Variants in PFKP observed in about 807,000 individuals in gnomAD.
The protein encoded by PFKP is ATP-dependent 6-phosphofructokinase, platelet type.
PFKP carries 101 observed loss-of-function variants against 94.3 expected under a neutral mutation model. The ratio of observed to expected loss-of-function variants is 1.07; its 90% CI spans 0.91 to 1.26. The LOEUF (loss-of-function observed/expected upper bound fraction) is 1.26, where lower values mean the gene tolerates loss of function less well. PFKP is among the 50% of genes most tolerant of loss of function. PFKP has a pLI of 0.00. For missense variants in PFKP, 1,145 were observed against 1,103.3 expected (o/e 1.04, Z -0.53); for synonymous variants, 573 against 432.6 (o/e 1.32, Z -4.03).
rs191903808 is a variant in PFKP, at chr10:3,098,311, C to T, written c.187-964C>T. 1.3e-3 allele frequency among the ~76,000 whole-genome samples: 197 copies of T among 152,216 alleles called. 2 individuals are homozygous for T. Among genetic ancestry groups the T allele is most frequent in the African/African-American group, 4.6e-3 (190 of 41,478 alleles). On this transcript the variant is annotated intron_variant, in intron 2 of 21. Coordinates refer to ENST00000381125, the MANE Select transcript of PFKP (RefSeq NM_002627.5). ...AGTGAGTTATGTAGATGAAGTTACC[C>T]GTGGGCATTGCTGCATTTCCTGATC...
intron 2 of PFKP, among the ~76,000 whole-genome samples, chr10:3,092,888 C>T (rs1054509988): frequency 6.6e-6 from 1 of 152,090 alleles, no homozygotes; most frequent in African/African-American, 2.4e-5. Flanking sequence ...TGGGGGACCT[C>T]TCCTAATCTG....
chr10:3,091,211 C>CT (rs1479095061), intron 2 of PFKP, among the ~76,000 whole-genome samples: 1 of 152,108 alleles, frequency 6.6e-6, no homozygotes, highest in Non-Finnish European at 1.5e-5. Context: ...TTGCTTCTTT[C>CT]TTTTTTCTCT....
chr10:3,128,991 G>GT (rs1240370947), intron 16 of PFKP: 1 of 152,252 alleles, frequency 6.6e-6, no homozygotes, highest in Non-Finnish European at 1.5e-5. Context: ...TGAGCAAAGG[G>GT]TTTTGAATAA....
chr10:3,131,150 ATC>A (rs1280263970), intron 17 of PFKP, among the ~76,000 whole-genome samples: 1 of 152,070 alleles, frequency 6.6e-6, no homozygotes, highest in South Asian at 2.1e-4. Flanking sequence ...AAAAATATGT[ATC>A]TCTTACTGTG....
chr10:3,110,349 C>A (rs1312013687), intron 10 of PFKP, among the ~76,000 whole-genome samples: 3 of 150,822 alleles, frequency 2.0e-5, no homozygotes, highest in Admixed American at 6.6e-5. Flanking sequence ...CAGGTGCCCA[C>A]CACCACGCCT....
In PFKP at chr10:3,124,964, C is replaced by T. The variant is rs77395603; in HGVS notation, c.1684-4855C>T. 880 of 677,342 alleles carry T rather than the reference C, an allele frequency of 1.3e-3. 11 individuals carry two copies. The African/African-American group carries it at 0.017, about 13-fold the overall frequency. The allele number at this position is 677,342 out of a possible 1,614,324, so 42.0% of individuals were successfully genotyped here. On this transcript the variant is annotated intron_variant, in intron 16 of 21. Transcript: ENST00000381125. ...ACGGCCTCCAGAGCCTCCCTCGGCCCCTTGACCCGCATGAACCGGCTTCCC... is the reference window on the plus strand; with the variant it reads ...ACGGCCTCCAGAGCCTCCCTCGGCCTCTTGACCCGCATGAACCGGCTTCCC...
chr10:3,121,120 C>T (rs974308239), intron 16 of PFKP, among the ~76,000 whole-genome samples: 21 of 152,210 alleles, frequency 1.4e-4, no homozygotes, highest in African/African-American at 5.1e-4. Context: ...GCACTCGTTT[C>T]TTGCTTTTCT....
chr10:3,132,308 C>T (rs1838684539), intron 17 of PFKP, 72 bp from the exon 18 acceptor site: 11 of 1,072,378 alleles, frequency 1.0e-5, no homozygotes, highest in Admixed American at 7.7e-5. Flanking sequence ...CACTTCCCAG[C>T]CTGCAGTGCC....
At chr10:3,115,315 AGT>A (rs560313776) in intron 13 of PFKP, among the ~76,000 whole-genome samples, 18 of 99,904 alleles carry the variant, frequency 1.8e-4, no homozygotes, top group Non-Finnish European at 2.4e-4. Context: ...CTGGGGTGAA[AGT>A]GTGTGTCCCA....
intron 1 of PFKP, among the ~76,000 whole-genome samples, chr10:3,067,979 G>A (rs997866912): frequency 5.9e-5 from 9 of 152,236 alleles, no homozygotes; most frequent in African/African-American, 2.2e-4. Flanking sequence ...TGGGGCGGGG[G>A]AGGAAGGGAC....
intron 16 of PFKP, among the ~76,000 whole-genome samples, chr10:3,126,290 C>G (rs1248731862): frequency 1.3e-5 from 2 of 152,246 alleles, no homozygotes; most frequent in Admixed American, 6.5e-5. Flanking sequence ...CTGGCCATCT[C>G]TCTCCTAGGC....
rs1370273539 is a variant in PFKP at position 3,099,178 on chromosome 10, A to C, written c.187-97A>C. On this transcript the variant is annotated intron_variant, in intron 2 of 21. Coordinates refer to ENST00000381125, the MANE Select transcript of PFKP (RefSeq NM_002627.5). ...GACCAGTGGATGCTGAGGAACTGAC[A>C]TTCACTGTCATTTTTCCCGTTTTAT... 6.3e-6 allele frequency: 6 copies of C among 947,546 alleles called. No homozygotes were observed. In the African/African-American group the frequency reaches 6.4e-5, roughly 10 times the overall value. The allele number at this position is 947,546 out of a possible 1,614,324, so 58.7% of individuals were successfully genotyped here.
chr10:3,069,317 G>C (rs909218229), intron 1 of PFKP: 120 of 1,564,012 alleles, frequency 7.7e-5, no homozygotes, highest in Middle Eastern at 5.0e-4. Context: ...GCAGAGGATG[G>C]GATTGAAGAA....
chr10:3,128,981 T>A (rs1056142364), intron 16 of PFKP: 1 of 152,208 alleles, frequency 6.6e-6, no homozygotes, highest in East Asian at 1.9e-4. Flanking sequence ...GTACTTGAAG[T>A]GAGCAAAGGG....
intron 16 of PFKP, chr10:3,124,988 C>T: frequency 1.1e-6 from 1 of 907,640 alleles, no homozygotes; most frequent in Non-Finnish European, 1.4e-6. Flanking sequence ...AACCGGCTTC[C>T]CCTGGTGACT....
At chr10:3,128,837 C>T (rs1332856530) in intron 16 of PFKP, among the ~76,000 whole-genome samples, 1 of 152,170 alleles carries the variant, frequency 6.6e-6, no homozygotes, top group Non-Finnish European at 1.5e-5. Flanking sequence ...TGCTCTCCCG[C>T]CCACCACTGT....
Position 3,115,432 on chromosome 10 carries a change from C to T in PFKP, c.1372-1344C>T, listed in dbSNP as rs1164341032. ...AAGGTGTGTGTCCCGCCATGGAGGA[C>T]AGGACTGGGGATGCCGGGGTGAAGG... On this transcript the variant is annotated intron_variant, in intron 13 of 21. Transcript: ENST00000381125. Among the ~76,000 whole-genome samples, 11 of 23,600 alleles carry T rather than the reference C, an allele frequency of 4.7e-4. 5 individuals are homozygous for T. The East Asian group carries it at 0.032, about 69-fold the overall frequency. 15.5% of individuals were successfully genotyped at this position (23,600 alleles called of 152,430 possible). A position where few individuals can be genotyped will look rare whatever the true frequency, so the allele number is the denominator to read the frequency against.
In PFKP at chr10:3,101,591, C is replaced by T. The variant is rs375572967; in HGVS notation, c.454+37C>T. On this transcript the variant is annotated intron_variant, in intron 4 of 21. Coordinates refer to ENST00000381125, the MANE Select transcript of PFKP (RefSeq NM_002627.5). ...CCTGCTCCTCTGTCCTGCGGGTTTT[C>T]GCCCTGTTTCAGAGCTTTGGAACCG... 3.4e-5 allele frequency: 48 copies of T among 1,428,344 alleles called. No homozygotes were observed. In the East Asian group the frequency reaches 5.3e-4, roughly 16 times the overall value. 88.5% of individuals were successfully genotyped at this position (1,428,344 alleles called of 1,614,324 possible).
chr10:3,103,054 C>T (rs529097181), intron 4 of PFKP, among the ~76,000 whole-genome samples: 89 of 152,332 alleles, frequency 5.8e-4, no homozygotes, highest in African/African-American at 4.3e-4. Context: ...TGCTCACCCA[C>T]GATCCAGCTT....
Sources: gnomAD v4.1 joint callset for allele counts (sites outside exome capture counted in the v4.1 genomes callset) on GRCh38, gnomAD v4.1.1 for gene constraint, MANE v1.5 for transcripts, NCBI Gene and HGNC (gene_info 2026-07-23, HGNC 2026-07-21) for gene names.